The following LUZP2 variants were observed in gnomAD, a reference collection of about 807,000 sequenced individuals.
LUZP2 encodes the protein leucine zipper protein 2.
In LUZP2, 52 loss-of-function variants were observed where a neutral mutation model predicts 51.6. The observed-to-expected ratio is 1.01, with a 90% CI of 0.81 to 1.27. The LOEUF (loss-of-function observed/expected upper bound fraction) is 1.27, where lower values mean the gene tolerates loss of function less well. Among genes scored for constraint, LUZP2 ranks in the 50% most tolerant of loss-of-function variants. LUZP2 has a pLI of 0.00. For synonymous variants in LUZP2, 154 were observed against 137.3 expected (o/e 1.12, Z -0.85); for missense variants, 436 against 395.4 (o/e 1.10, Z -0.87).
intron 1 of LUZP2, among the ~76,000 whole-genome samples, chr11:24,723,792 T>C (rs1033730057): frequency 9.2e-5 from 14 of 151,908 alleles, no homozygotes; most frequent in Non-Finnish European, 1.8e-4. Flanking sequence ...GATTACACCA[T>C]TGCACTCCAG....
intron 9 of LUZP2, among the ~76,000 whole-genome samples, chr11:25,007,887 C>A (rs1480005386): frequency 2.0e-5 from 3 of 152,106 alleles, no homozygotes; most frequent in Admixed American, 1.3e-4. Flanking sequence ...TAACATTGGT[C>A]AGAAATTACT....
intron 8 of LUZP2, among the ~76,000 whole-genome samples, chr11:24,982,607 T>G (rs1247932304): frequency 6.6e-6 from 1 of 151,222 alleles, no homozygotes; most frequent in Non-Finnish European, 1.5e-5. Context: ...TACTTGAGGG[T>G]GGAGGATGAG....
intron 9 of LUZP2, among the ~76,000 whole-genome samples, chr11:25,011,370 C>T (rs528749833): frequency 6.6e-6 from 1 of 152,236 alleles, no homozygotes; most frequent in South Asian, 2.1e-4. Context: ...TTGCATTAGA[C>T]ACAAGAACAT....
intron 1 of LUZP2, among the ~76,000 whole-genome samples, chr11:24,640,799 T>A (rs932491925): frequency 3.3e-5 from 5 of 151,760 alleles, no homozygotes; most frequent in African/African-American, 7.3e-5. Flanking sequence ...TGAATTTTAC[T>A]GTTTTTAAAT....
At chr11:24,880,194 C>T (rs1852415831) in intron 5 of LUZP2, among the ~76,000 whole-genome samples, 1 of 152,186 alleles carries the variant, frequency 6.6e-6, no homozygotes, top group East Asian at 1.9e-4. Flanking sequence ...CATGGGTAAA[C>T]ATCTGCTGAG....
At chr11:24,668,726 G>A (rs888225687) in intron 1 of LUZP2, among the ~76,000 whole-genome samples, 12 of 152,204 alleles carry the variant, frequency 7.9e-5, no homozygotes, top group African/African-American at 2.2e-4. Context: ...TACACTGCAC[G>A]TCTCTCGCTT....
chr11:24,754,483 C>T (rs1387392742), intron 4 of LUZP2, among the ~76,000 whole-genome samples: 5 of 152,154 alleles, frequency 3.3e-5, no homozygotes, highest in African/African-American at 1.2e-4. Context: ...CTCTGACTGT[C>T]TCTGTTTTGT....
intron 1 of LUZP2, among the ~76,000 whole-genome samples, chr11:24,702,691 C>T (rs927237472): frequency 6.6e-6 from 1 of 152,164 alleles, no homozygotes; most frequent in Non-Finnish European, 1.5e-5. Context: ...TGCCCCACCT[C>T]CAACATGGGG....
At position 24,671,310 on chromosome 11, in the gene LUZP2, T is replaced by A. The variant is rs1043662025; in HGVS notation, c.63-57859T>A. Among the ~76,000 whole-genome samples, 7 of 152,116 alleles carry A rather than the reference T, an allele frequency of 4.6e-5. No homozygotes were observed. The East Asian group carries it at 1.2e-3, about 25-fold the overall frequency. On this transcript the variant is annotated intron_variant, in intron 1 of 11. Transcript: ENST00000336930. Reference sequence around the variant, plus strand: ...TTTTGTAAATTTTATCTGAAGTTTTTCTCCTTGAACTGAAAATATTCCCCT... The same window carrying A: ...TTTTGTAAATTTTATCTGAAGTTTTACTCCTTGAACTGAAAATATTCCCCT...
At chr11:24,979,630 G>A (rs985695578) in intron 8 of LUZP2, among the ~76,000 whole-genome samples, 3 of 151,766 alleles carry the variant, frequency 2.0e-5, no homozygotes, top group African/African-American at 7.3e-5. Context: ...AATATCAAGA[G>A]CTAAGAATCA....
intron 1 of LUZP2, among the ~76,000 whole-genome samples, chr11:24,566,860 T>C (rs1852249657): frequency 7.2e-6 from 1 of 139,186 alleles, no homozygotes; most frequent in Admixed American, 7.4e-5. Context: ...ACATATATAA[T>C]GTATATACAC....
Position 24,880,943 on chromosome 11 carries a change from T to C in LUZP2, c.397-25048T>C, listed in dbSNP as rs576409506. Reference sequence around the variant, plus strand: ...TATCTGTACTATGGAAAGCACTTTGTAGACTCATAGCATGGCAATAATTGC... The same window carrying C: ...TATCTGTACTATGGAAAGCACTTTGCAGACTCATAGCATGGCAATAATTGC... On this transcript the variant is annotated intron_variant, in intron 5 of 11. Coordinates refer to ENST00000336930, the MANE Select transcript of LUZP2 (RefSeq NM_001009909.4). Among the ~76,000 whole-genome samples, 4 of 152,318 alleles carry C rather than the reference T, an allele frequency of 2.6e-5. No homozygotes were observed. In the South Asian group the frequency reaches 8.3e-4, roughly 32 times the overall value.
intron 1 of LUZP2, among the ~76,000 whole-genome samples, chr11:24,510,320 G>GAAGATGGTGCCTATGC (rs1276319579): frequency 5.9e-5 from 9 of 152,222 alleles, no homozygotes; most frequent in Admixed American, 5.2e-4. Context: ...CAGGACTAAA[G>GAAGATGGTGCCTATGC]AAGATGGTGC....
At chr11:24,922,159 T>C (rs1854082718) in intron 7 of LUZP2, among the ~76,000 whole-genome samples, 1 of 152,204 alleles carries the variant, frequency 6.6e-6, no homozygotes, top group African/African-American at 2.4e-5. Context: ...CATATGTTTA[T>C]ATCATTGGAT....
chr11:25,079,278 T>C lies in LUZP2; in HGVS notation c.*620T>C, dbSNP rs1590906122. 1 of 152,344 alleles carries C rather than the reference T, an allele frequency of 6.6e-6. No individual in the cohort carries two copies. The highest frequency in any genetic ancestry group is 2.1e-4 in the South Asian group (1 of 4,832). 9.4% of individuals were successfully genotyped at this position (152,344 alleles called of 1,614,324 possible). A position where few individuals can be genotyped will look rare whatever the true frequency, so the allele number is the denominator to read the frequency against. On this transcript the variant is annotated 3_prime_UTR_variant, in exon 12 of 12. Transcript: ENST00000336930. ...TATGTTTGGCATCATATGGACAAAA[T>C]ATTTGGATGAATGACTAAATTTCTG...
intron 6 of LUZP2, among the ~76,000 whole-genome samples, chr11:24,912,591 C>G (rs1330151219): frequency 6.6e-6 from 1 of 152,046 alleles, no homozygotes; most frequent in African/African-American, 2.4e-5. Flanking sequence ...GGCAGATTGC[C>G]TGAGCTCAGG....
intron 1 of LUZP2, among the ~76,000 whole-genome samples, chr11:24,655,944 T>C (rs1242247751): frequency 2.6e-5 from 4 of 152,208 alleles, no homozygotes; most frequent in African/African-American, 4.8e-5. Context: ...TATCCTTGTT[T>C]TACAAATGAG....
At chr11:24,901,674 C>A (rs545295501) in intron 5 of LUZP2, among the ~76,000 whole-genome samples, 79 of 152,218 alleles carry the variant, frequency 5.2e-4, no homozygotes, top group African/African-American at 1.8e-3. Flanking sequence ...GACTCCCCAC[C>A]CTTGATATCT....
At chr11:24,704,293 TTAA>T (rs1467411569) in intron 1 of LUZP2, among the ~76,000 whole-genome samples, 2 of 152,180 alleles carry the variant, frequency 1.3e-5, no homozygotes, top group Admixed American at 6.5e-5. Context: ...AAAAATTAGC[TTAA>T]TAATCAATGC....
Sources: gnomAD v4.1 joint callset for allele counts (sites outside exome capture counted in the v4.1 genomes callset) on GRCh38, gnomAD v4.1.1 for gene constraint, MANE v1.5 for transcripts, NCBI Gene and HGNC (gene_info 2026-07-23, HGNC 2026-07-21) for gene names.